ANKFY1: variants seen among roughly 807,000 people sequenced by gnomAD.
The protein encoded by ANKFY1 is ankyrin repeat and FYVE domain containing 1, also known as ankyrin repeat and FYVE domain-containing protein 1.
A neutral mutation model predicts 128.3 loss-of-function variants in ANKFY1; 47 were observed. The observed-to-expected ratio is 0.37, with a 90% CI of 0.29 to 0.47. ANKFY1 has a LOEUF of 0.47. Among genes scored for constraint, ANKFY1 ranks in the 20% least tolerant of loss-of-function variants. The pLI is 1.00. For missense variants in ANKFY1, 1,222 were observed against 1,510.6 expected (o/e 0.81, Z 3.17); for synonymous variants, 553 against 601.6 (o/e 0.92, Z 1.18).
rs151238034 is a variant in ANKFY1, at chr17:4,226,228, T to A, written c.323-9110A>T. Among the ~76,000 whole-genome samples, 84 of 152,296 alleles carry A rather than the reference T, an allele frequency of 5.5e-4. 1 individual carries two copies. The East Asian group carries it at 0.015, about 27-fold the overall frequency. On this transcript the variant is annotated intron_variant, in intron 3 of 24. Transcript: ENST00000341657. ...GATGTTACCACTCTCCTTTAAGGAA[T>A]TGATAGAACTAGGCTATGCATAGTG...
rs563522564 is a variant in ANKFY1, at chr17:4,220,937, G to A, written c.323-3819C>T. 2.0e-5 allele frequency among the ~76,000 whole-genome samples: 3 copies of A among 152,334 alleles called. No homozygotes were observed. The East Asian group carries it at 5.8e-4, about 29-fold the overall frequency. On this transcript the variant is annotated intron_variant, in intron 3 of 24. Coordinates refer to ENST00000341657, the MANE Select transcript of ANKFY1 (RefSeq NM_001330063.2). ...GGCCTCCGAGTCCTGCGTGAGGGAGGTAATCATCTCTCAGAAGGCCCTGCA... is the reference window on the plus strand; with the variant it reads ...GGCCTCCGAGTCCTGCGTGAGGGAGATAATCATCTCTCAGAAGGCCCTGCA...
chr17:4,179,270 A>G (rs2059465443), intron 17 of ANKFY1: 1 of 604,588 alleles, frequency 1.7e-6, no homozygotes, highest in African/African-American at 1.8e-5. Flanking sequence ...TGACCGTAGG[A>G]CCAGCACAAA....
At chr17:4,222,630 C>T (rs1225034909) in intron 3 of ANKFY1, 5 of 1,021,880 alleles carry the variant, frequency 4.9e-6, no homozygotes, top group South Asian at 1.3e-5. Context: ...AGAATTTTAC[C>T]GTCTTAAATT....
At position 4,208,100 on chromosome 17, in the gene ANKFY1, A is replaced by G. The variant is rs1327977725; in HGVS notation, c.583-18T>C. ...AGGTCGTCCTGAGAATTCACAACAC[A>G]GTGAAAAGCAGAACAGACACAAGGC... On this transcript the variant is annotated intron_variant, in intron 5 of 24. Transcript: ENST00000341657. 6 of 1,588,936 alleles carry G rather than the reference A, an allele frequency of 3.8e-6. No individual in the cohort carries two copies. Among genetic ancestry groups the G allele is most frequent in the Non-Finnish European group, 5.1e-6 (6 of 1,169,834 alleles).
At chr17:4,203,515 T>C (rs1227437095) in intron 7 of ANKFY1, among the ~76,000 whole-genome samples, 3 of 151,984 alleles carry the variant, frequency 2.0e-5, no homozygotes, top group Non-Finnish European at 4.4e-5. Context: ...ACAGGAACAA[T>C]CTACTGAAGA....
At chr17:4,242,165 A>T in intron 2 of ANKFY1, 91 bp downstream of exon 2, 1 of 1,273,628 alleles carries the variant, frequency 7.9e-7, no homozygotes, top group East Asian at 2.8e-5. Context: ...CATTAGAGAT[A>T]AATAAATTTT....
At chr17:4,180,760 C>CAAAA (rs11392631) in intron 16 of ANKFY1, among the ~76,000 whole-genome samples, 84 of 57,074 alleles carry the variant, frequency 1.5e-3, no homozygotes, top group East Asian at 3.1e-3. Flanking sequence ...GACTCTGTCT[C>CAAAA]AAAAAAAAAA....
At chr17:4,219,002 A>G (rs779379037) in intron 3 of ANKFY1, among the ~76,000 whole-genome samples, 1 of 152,250 alleles carries the variant, frequency 6.6e-6, no homozygotes, top group Non-Finnish European at 1.5e-5. Flanking sequence ...AGGCAGACAC[A>G]CATTTTTCTG....
intron 22 of ANKFY1, among the ~76,000 whole-genome samples, 184 bp downstream of exon 22, chr17:4,172,372 G>T (rs1210624730): frequency 6.6e-6 from 1 of 152,140 alleles, no homozygotes; most frequent in Non-Finnish European, 1.5e-5. Flanking sequence ...CTTGAGATGG[G>T]ACAGTGTCTA....
Position 4,173,204 on chromosome 17 carries a change from A to G in ANKFY1, c.3014+150T>C, listed in dbSNP as rs2059353862. 4 of 672,992 alleles carry G rather than the reference A, an allele frequency of 5.9e-6. No individual in the cohort carries two copies. In the South Asian group the frequency reaches 7.0e-5, roughly 12 times the overall value. The allele number at this position is 672,992 out of a possible 1,614,324, so 41.7% of individuals were successfully genotyped here. On this transcript the variant is annotated intron_variant, in intron 21 of 24. Coordinates refer to ENST00000341657, the MANE Select transcript of ANKFY1 (RefSeq NM_001330063.2). ...ATTAAAACAAAAATACCGGTACCAA[A>G]AGTACCAAAATAAAGTACCCGAAGC...
chr17:4,219,683 C>CG (rs1226389132), intron 3 of ANKFY1, among the ~76,000 whole-genome samples: 1 of 151,450 alleles, frequency 6.6e-6, no homozygotes, highest in East Asian at 1.9e-4. Flanking sequence ...GTTAATTCAC[C>CG]ATCTCCTAAA....
rs1208380165 is a variant in ANKFY1 at position 4,181,553 on chromosome 17, T to G, written c.2122-181A>C. Among the ~76,000 whole-genome samples, 2 of 152,272 alleles carry G rather than the reference T, an allele frequency of 1.3e-5. No individual in the cohort carries two copies. The highest frequency in any genetic ancestry group is 4.8e-5 in the African/African-American group (2 of 41,474). On this transcript the variant is annotated intron_variant, in intron 15 of 24. Coordinates refer to ENST00000341657, the MANE Select transcript of ANKFY1 (RefSeq NM_001330063.2). This position sits in a 1 kb window ranked among gnomAD's most constrained non-coding sequence, Gnocchi z 4.9. Reference sequence around the variant, plus strand: ...TTTACAAACACTAATTAAAATTTGCTGTGTGCAAGTTCGTGCACTAGGTCC... The same window carrying G: ...TTTACAAACACTAATTAAAATTTGCGGTGTGCAAGTTCGTGCACTAGGTCC...
intron 1 of ANKFY1, among the ~76,000 whole-genome samples, chr17:4,258,218 A>G (rs1968218508): frequency 6.6e-6 from 1 of 152,230 alleles, no homozygotes; most frequent in Non-Finnish European, 1.5e-5. Context: ...TAAGTAAAAC[A>G]ATAAACAGAT....
chr17:4,182,665 GTCAT>G (rs1474022923), intron 14 of ANKFY1, among the ~76,000 whole-genome samples: 5 of 152,182 alleles, frequency 3.3e-5, no homozygotes, highest in Non-Finnish European at 5.9e-5. Context: ...CCCCCACTCA[GTCAT>G]TCAGTCACTT....
At position 4,221,650 on chromosome 17, in the gene ANKFY1, ACT is replaced by A. The variant is rs753839900; in HGVS notation, c.323-4534_323-4533del. 5.3e-5 allele frequency among the ~76,000 whole-genome samples: 8 copies of A among 151,848 alleles called. No individual in the cohort carries two copies. In the East Asian group the frequency reaches 1.2e-3, roughly 22 times the overall value. On this transcript the variant is annotated intron_variant, in intron 3 of 24. Transcript: ENST00000341657. ...TTCTTTTTATTTGGGTCAGAGTCTC[ACT>A]CTGTTACCCAGGCTGCAGTGCAGTG...
intron 11 of ANKFY1, chr17:4,187,277 T>A: frequency 2.5e-6 from 1 of 398,736 alleles, no homozygotes; most frequent in Non-Finnish European, 4.4e-6. Flanking sequence ...ATTCTGCAAT[T>A]CCTGTGAAAC....
chr17:4,240,902 T>G (rs1183424445), intron 2 of ANKFY1, among the ~76,000 whole-genome samples: 1 of 152,194 alleles, frequency 6.6e-6, no homozygotes, highest in East Asian at 1.9e-4. Context: ...CTGTATTTCC[T>G]CATCTTTGAG....
rs112491954 is a variant in ANKFY1 at position 4,197,221 on chromosome 17, AC to A, written c.1103+151del. On this transcript the variant is annotated intron_variant, in intron 8 of 24. Coordinates refer to ENST00000341657, the MANE Select transcript of ANKFY1 (RefSeq NM_001330063.2). ...TGCCTCTGGTTTTAGTAGTGACACTACTACTACACATCGATGTCTGTGACTT... is the reference window on the plus strand; with the variant it reads ...TGCCTCTGGTTTTAGTAGTGACACTATACTACACATCGATGTCTGTGACTT... The A allele has an allele frequency of 1.0e-3, 758 of 758,896 alleles. 3 individuals are homozygous for A. In the African/African-American group the frequency reaches 0.012, roughly 12 times the overall value. 47.0% of individuals were successfully genotyped at this position (758,896 alleles called of 1,614,324 possible). A position where few individuals can be genotyped will look rare whatever the true frequency, so the allele number is the denominator to read the frequency against.
intron 16 of ANKFY1, chr17:4,180,101 T>G (rs2059482979): frequency 1.7e-6 from 1 of 576,128 alleles, no homozygotes; most frequent in African/African-American, 1.9e-5. Flanking sequence ...TCAGAATTGT[T>G]AGAAACTTCC....
Sources: allele counts gnomAD v4.1 joint callset (sites outside exome capture counted in the v4.1 genomes callset), GRCh38; gene constraint gnomAD v4.1.1; non-coding constraint Gnocchi (gnomAD v3.1); transcripts MANE v1.5; gene names NCBI Gene and HGNC (gene_info 2026-07-23, HGNC 2026-07-21).